KLF4: variants seen among roughly 807,000 people sequenced by gnomAD.
KLF4 encodes KLF transcription factor 4, also known as Krueppel-like factor 4.
KLF4 carries 14 observed loss-of-function variants against 38.0 expected under a neutral mutation model. The ratio of observed to expected loss-of-function variants is 0.37; its 90% CI spans 0.24 to 0.58. The LOEUF (loss-of-function observed/expected upper bound fraction) is 0.58. Among genes scored for constraint, KLF4 ranks in the 20% least tolerant of loss-of-function variants. KLF4 has a pLI of 0.76. For missense variants in KLF4, 737 were observed against 670.1 expected, an observed-to-expected ratio of 1.10 and a Z score of -1.10; for synonymous variants, 398 against 302.5, an observed-to-expected ratio of 1.32 and a Z score of -3.28.
In KLF4 at chr9:107,485,707, T is replaced by G; in HGVS notation, c.*44A>C. ...AGACAGTGTGAAAAGTAAAAAATAC[T>G]GAATTCTCTTCTGGCAGTGTGGGTC... On this transcript the variant is annotated 3_prime_UTR_variant, in exon 5 of 5. Coordinates refer to ENST00000374672, the MANE Select transcript of KLF4 (RefSeq NM_004235.6). The surrounding 1 kb of genome is among the most constrained non-coding windows in gnomAD (Gnocchi z 4.9). 1 of 1,495,314 alleles carries G rather than the reference T, an allele frequency of 6.7e-7. No individual in the cohort carries two copies. The highest frequency in any genetic ancestry group is 8.9e-7 in the Non-Finnish European group (1 of 1,124,050). 92.6% of individuals were successfully genotyped at this position (1,495,314 alleles called of 1,614,324 possible).
chr9:107,487,287 G>C lies in KLF4; in HGVS notation c.1099+8C>G. On this transcript the variant is annotated splice_region_variant and intron_variant, in intron 3 of 4. Coordinates refer to ENST00000374672, the MANE Select transcript of KLF4 (RefSeq NM_004235.6). This position sits in a 1 kb window ranked among gnomAD's most constrained non-coding sequence, Gnocchi z 6.1. ...CCCCAGCCCGAGCTACAAATCCCCG[G>C]GACTGACCTTGGTAATGGAGCGGCG... is the stretch of plus-strand genomic sequence containing the variant. The C allele has an allele frequency of 6.3e-7, 1 of 1,591,388 alleles. No individual in the cohort carries two copies. Among genetic ancestry groups the C allele is most frequent in the Non-Finnish European group, 8.6e-7 (1 of 1,168,096 alleles).
chr9:107,487,519 G>T lies in KLF4; in HGVS notation c.875C>A (p.Pro292His). ...CGGCCGGTGGCCATTGCTGAGAGGG[G>T]GTCCAGCGCCCAAGTGGGTGCACGA... ...VSSCTHLGAG[P>H]PLSNGHRPAA... The change falls in exon 3 of 5, where the codon CCC (proline) becomes CAC (histidine). Residue 292 changes from proline (P) to histidine (H), a missense_variant. By Grantham distance (77) the Pro-to-His change is moderately conservative. Around this residue, in one of 2 missense-constraint regions of KLF4, gnomAD observed 695 missense variants for 554.5 expected, o/e 1.25. Transcript: ENST00000374672. This position sits in a 1 kb window ranked among gnomAD's most constrained non-coding sequence, Gnocchi z 6.1. 2 of 1,548,682 alleles carry T rather than the reference G, an allele frequency of 1.3e-6. No individual in the cohort carries two copies. The highest frequency in any genetic ancestry group is 1.7e-6 in the Non-Finnish European group (2 of 1,148,748).
At chr9:107,486,061 G>A (rs1829057933) in intron 4 of KLF4, 135 bp from the exon 5 acceptor site, 2 of 711,876 alleles carry the variant, frequency 2.8e-6, no homozygotes, top group African/African-American at 1.8e-5. Context: ...TTATACCACT[G>A]AAGGGGTGTA....
At position 107,485,436 on chromosome 9, in the gene KLF4, C is replaced by T. The variant is rs564789698; in HGVS notation, c.*315G>A. 1.3e-5 allele frequency: 4 copies of T among 300,506 alleles called. No homozygotes were observed. Among genetic ancestry groups the T allele is most frequent in the Non-Finnish European group, 2.4e-5 (4 of 164,110 alleles). The allele number at this position is 300,506 out of a possible 1,614,324, so 18.6% of individuals were successfully genotyped here. On this transcript the variant is annotated 3_prime_UTR_variant, in exon 5 of 5. Transcript: ENST00000374672. This position sits in a 1 kb window ranked among gnomAD's most constrained non-coding sequence, Gnocchi z 4.9. ...TTCTGGTCTTCCCTCCCCCAACTCACGGATATAATTTATACCCTGATATCC... is the reference window on the plus strand; with the variant it reads ...TTCTGGTCTTCCCTCCCCCAACTCATGGATATAATTTATACCCTGATATCC...
rs960279969 is a variant in KLF4 at position 107,484,870 on chromosome 9, G to C, written c.*881C>G. On this transcript the variant is annotated 3_prime_UTR_variant, in exon 5 of 5. Coordinates refer to ENST00000374672, the MANE Select transcript of KLF4 (RefSeq NM_004235.6). Reference sequence around the variant, plus strand: ...AACATTATTCAGATAAAATATTATAGGTTTATTTAAAACTTAATTCTCACC... The same window carrying C: ...AACATTATTCAGATAAAATATTATACGTTTATTTAAAACTTAATTCTCACC... 1 of 185,178 alleles carries C rather than the reference G, an allele frequency of 5.4e-6. No homozygotes were observed. The highest frequency in any genetic ancestry group is 2.3e-5 in the African/African-American group (1 of 42,562). The allele number at this position is 185,178 out of a possible 1,614,324, so 11.5% of individuals were successfully genotyped here.
In KLF4 at chr9:107,489,360, G is replaced by A. The variant is rs556101407; in HGVS notation, c.-188C>T. On this transcript the variant is annotated 5_prime_UTR_variant, in exon 1 of 5. Transcript: ENST00000374672. ...GTTCCTTTGTATACAAAAGTTCTTA[G>A]AAAAGTTGTAAACGCAAAAATAGAC... 7 of 791,448 alleles carry A rather than the reference G, an allele frequency of 8.8e-6. No homozygotes were observed. The African/African-American group carries it at 1.3e-4, about 14-fold the overall frequency. The allele number at this position is 791,448 out of a possible 1,614,324, so 49.0% of individuals were successfully genotyped here. A position where few individuals can be genotyped will look rare whatever the true frequency, so the allele number is the denominator to read the frequency against.
chr9:107,489,369 TA>T lies in KLF4; in HGVS notation c.-198del. The T allele has an allele frequency of 1.5e-6, 1 of 677,434 alleles. No homozygotes were observed. The highest frequency in any genetic ancestry group is 1.9e-5 in the African/African-American group (1 of 53,434). 42.0% of individuals were successfully genotyped at this position (677,434 alleles called of 1,614,324 possible). On this transcript the variant is annotated 5_prime_UTR_variant, in exon 1 of 5. Transcript: ENST00000374672. The stretch of plus-strand genomic sequence containing the variant: ...TATACAAAAGTTCTTAGAAAAGTTG[TA>T]AACGCAAAAATAGACAATCAGCAAG...
chr9:107,486,935 AC>A, intron 4 of KLF4, 92 bp downstream of exon 4: 1 of 1,599,146 alleles, frequency 6.3e-7, no homozygotes, highest in Non-Finnish European at 8.5e-7. Flanking sequence ...CTGGAAGCTA[AC>A]CTGGGAAGTC....
Position 107,488,421 on chromosome 9 carries a change from A to C in KLF4, c.127-154T>G. 7.6e-7 allele frequency: 1 copy of C among 1,323,868 alleles called. No homozygotes were observed. The highest frequency in any genetic ancestry group is 1.0e-6 in the Non-Finnish European group (1 of 999,552). 82.0% of individuals were successfully genotyped at this position (1,323,868 alleles called of 1,614,324 possible). On this transcript the variant is annotated intron_variant, in intron 2 of 4. Coordinates refer to ENST00000374672, the MANE Select transcript of KLF4 (RefSeq NM_004235.6). The surrounding 1 kb of genome is among the most constrained non-coding windows in gnomAD (Gnocchi z 5.7). ...GGGAACCCAGGGCGCCAGCGCTGCA[A>C]TCTCGGCCCACTCCCGGGTCGAAGA... is the stretch of plus-strand genomic sequence containing the variant.
intron 4 of KLF4, among the ~76,000 whole-genome samples, chr9:107,486,815 A>T (rs975395668): frequency 6.6e-6 from 1 of 152,114 alleles, no homozygotes; most frequent in Non-Finnish European, 1.5e-5. Context: ...CCTGGGCAGA[A>T]AAGTAGGCGC....
rs961138526 is a variant in KLF4 at position 107,489,319 on chromosome 9, G to A, written c.-147C>T. ...TCTTTGGATTAAATATAACTTGGAAGCGTCTTTTTTAAAAAGTTCCTTTGT... is the reference window on the plus strand; with the variant it reads ...TCTTTGGATTAAATATAACTTGGAAACGTCTTTTTTAAAAAGTTCCTTTGT... On this transcript the variant is annotated 5_prime_UTR_variant, in exon 1 of 5. Coordinates refer to ENST00000374672, the MANE Select transcript of KLF4 (RefSeq NM_004235.6). 4 of 1,135,992 alleles carry A rather than the reference G, an allele frequency of 3.5e-6. No individual in the cohort carries two copies. Among genetic ancestry groups the A allele is most frequent in the Non-Finnish European group, 3.5e-6 (3 of 850,346 alleles). 70.4% of individuals were successfully genotyped at this position (1,135,992 alleles called of 1,614,324 possible).
chr9:107,488,451 G>T lies in KLF4; in HGVS notation c.127-184C>A. Reference sequence around the variant, plus strand: ...GGCCCACTCCCGGGTCGAAGAAGAGGTGATGCGTCTGTATTGCGGGTGTTA... The same window carrying T: ...GGCCCACTCCCGGGTCGAAGAAGAGTTGATGCGTCTGTATTGCGGGTGTTA... On this transcript the variant is annotated intron_variant, in intron 2 of 4. Transcript: ENST00000374672. The surrounding 1 kb of genome is among the most constrained non-coding windows in gnomAD (Gnocchi z 5.7). 2 of 1,067,732 alleles carry T rather than the reference G, an allele frequency of 1.9e-6. No homozygotes were observed. The highest frequency in any genetic ancestry group is 2.6e-6 in the Non-Finnish European group (2 of 765,370). 66.1% of individuals were successfully genotyped at this position (1,067,732 alleles called of 1,614,324 possible).
rs771683318 is a variant in KLF4, at chr9:107,487,221, C to T, written c.1100-29G>A. The stretch of plus-strand genomic sequence containing the variant: ...GGGGTGAAGAAGGTGGGGTGAGCAT[C>T]ATCCCGTGTGTCCCGAAGTGGGGCC... On this transcript the variant is annotated intron_variant, in intron 3 of 4. Transcript: ENST00000374672. The surrounding 1 kb of genome is among the most constrained non-coding windows in gnomAD (Gnocchi z 6.1). 2.5e-6 allele frequency: 4 copies of T among 1,610,770 alleles called. No individual in the cohort carries two copies. Among genetic ancestry groups the T allele is most frequent in the Admixed American group, 3.3e-5 (2 of 59,832 alleles).
At position 107,485,803 on chromosome 9, in the gene KLF4, C is replaced by T; in HGVS notation, c.1388G>A (p.Arg463Gln). The part of the protein sequence containing the change: ...HRPFQCQKCD[R>Q]AFSRSDHLAL... ...GAGGTGGTCCGACCTGGAAAATGCT[C>T]GGTCGCATTTTTGGCACTGGAACGG... The change falls in exon 5 of 5, where the codon CGA (arginine) becomes CAA (glutamine). Residue 463 changes from arginine (R) to glutamine (Q), a missense_variant. By Grantham distance (43) the Arg-to-Gln change is conservative. Coordinates refer to ENST00000374672, the MANE Select transcript of KLF4 (RefSeq NM_004235.6). The surrounding 1 kb of genome is among the most constrained non-coding windows in gnomAD (Gnocchi z 4.9). 6 of 1,596,766 alleles carry T rather than the reference C, an allele frequency of 3.8e-6. No individual in the cohort carries two copies. Among genetic ancestry groups the T allele is most frequent in the Non-Finnish European group, 4.3e-6 (5 of 1,172,418 alleles).
In KLF4 at chr9:107,488,991, G is replaced by A. The variant is rs1587923100; in HGVS notation, c.65C>T (p.Thr22Met). 6.4e-7 allele frequency: 1 copy of A among 1,568,938 alleles called. No homozygotes were observed. Among genetic ancestry groups the A allele is most frequent in the Non-Finnish European group, 8.6e-7 (1 of 1,156,484 alleles). ...VSDALLPSFSTFASGPAGREK... is the reference protein window; with the variant it reads ...VSDALLPSFSMFASGPAGREK... ...CCTTCCCGCCGGGCCAGACGCGAAC[G>A]TGGAGAAAGATGGGAGCAGCGCGTC... The change falls in exon 2 of 5, where the codon ACG (threonine) becomes ATG (methionine). Residue 22 changes from threonine to methionine, a missense_variant. Physicochemically the swap from Thr to Met is moderately conservative, Grantham distance 81. Coordinates refer to ENST00000374672, the MANE Select transcript of KLF4 (RefSeq NM_004235.6). The surrounding 1 kb of genome is among the most constrained non-coding windows in gnomAD (Gnocchi z 5.7).
rs1477753547 is a variant in KLF4, at chr9:107,488,832, C to T, written c.126+98G>A. 63 of 1,465,978 alleles carry T rather than the reference C, an allele frequency of 4.3e-5. No homozygotes were observed. The South Asian group carries it at 8.4e-4, about 19-fold the overall frequency. The allele number at this position is 1,465,978 out of a possible 1,614,324, so 90.8% of individuals were successfully genotyped here. On this transcript the variant is annotated intron_variant, in intron 2 of 4. Coordinates refer to ENST00000374672, the MANE Select transcript of KLF4 (RefSeq NM_004235.6). This position sits in a 1 kb window ranked among gnomAD's most constrained non-coding sequence, Gnocchi z 5.7. ...GTCCGCGCGGTGGCCGCTCCTTACC[C>T]TCGTTCAGTGGCTCTTGGTGACCCC...
chr9:107,486,351 TCTTTAC>T (rs1829062922), intron 4 of KLF4, among the ~76,000 whole-genome samples: 2 of 152,106 alleles, frequency 1.3e-5, no homozygotes, highest in African/African-American at 4.8e-5. Flanking sequence ...ACTTTTTTTT[TCTTTAC>T]CTTTACGTTA....
Position 107,489,655 on chromosome 9 carries a change from G to A in KLF4, c.-483C>T, listed in dbSNP as rs1244745361. The A allele has an allele frequency of 7.2e-6, 1 of 139,216 alleles. No homozygotes were observed. Among genetic ancestry groups the A allele is most frequent in the African/African-American group, 3.5e-5 (1 of 28,914 alleles). 8.6% of individuals were successfully genotyped at this position (139,216 alleles called of 1,614,324 possible). On this transcript the variant is annotated 5_prime_UTR_variant, in exon 1 of 5. Coordinates refer to ENST00000374672, the MANE Select transcript of KLF4 (RefSeq NM_004235.6). ...CCACGGGCGGGTGGGAGGGTGGGGG[G>A]CCAGAGGGGCGGGGGAGGGTCACTC... is the stretch of plus-strand genomic sequence containing the variant.
Position 107,489,245 on chromosome 9 carries a change from G to C in KLF4, c.-73C>G. The C allele has an allele frequency of 7.0e-7, 1 of 1,428,396 alleles. No homozygotes were observed. Among genetic ancestry groups the C allele is most frequent in the Non-Finnish European group, 9.2e-7 (1 of 1,088,186 alleles). 88.5% of individuals were successfully genotyped at this position (1,428,396 alleles called of 1,614,324 possible). A position where few individuals can be genotyped will look rare whatever the true frequency, so the allele number is the denominator to read the frequency against. On this transcript the variant is annotated 5_prime_UTR_variant, in exon 1 of 5. Transcript: ENST00000374672. Reference sequence around the variant, plus strand: ...ACCTGAACCCCAAAGTCAACGAAGAGAAGAAACGAAGCCAAAACCCAAAAC... The same window carrying C: ...ACCTGAACCCCAAAGTCAACGAAGACAAGAAACGAAGCCAAAACCCAAAAC...
Sources: allele counts gnomAD v4.1 joint callset (sites outside exome capture counted in the v4.1 genomes callset), GRCh38; gene constraint gnomAD v4.1.1; regional missense constraint gnomAD v4.1.1; non-coding constraint Gnocchi (gnomAD v3.1); transcripts MANE v1.5; gene names NCBI Gene and HGNC (gene_info 2026-07-23, HGNC 2026-07-21).